The following CACHD1 variants were observed in gnomAD, a reference collection of about 807,000 sequenced individuals.
CACHD1 encodes cache domain containing 1.
In CACHD1, 71 loss-of-function variants were observed where a neutral mutation model predicts 138.7. That is an observed-to-expected ratio of 0.51 (90% CI 0.42 to 0.62). CACHD1 has a LOEUF of 0.62. Ranked by LOEUF, CACHD1 falls within the 20% of genes least tolerant of loss-of-function variation. The probability of loss-of-function intolerance (pLI) is 0.00; values close to 1 mark genes in which losing one functional copy is unlikely to be tolerated. For synonymous variants in CACHD1, 578 were observed against 591.5 expected, an observed-to-expected ratio of 0.98 and a Z score of 0.33; for missense variants, 1,389 against 1,625.3, an observed-to-expected ratio of 0.85 and a Z score of 2.50.
In CACHD1 at chr1:64,679,690, G is replaced by T; in HGVS notation, c.3340G>T (p.Val1114Leu). ...MGCIMVLVLA[V>L]YAYRHQIHRR... Reference sequence around the variant, plus strand: ...ATGCATCATGGTCTTGGTCCTGGCGGTGTATGCCTACCGCCACCAGATTCA... The same window carrying T: ...ATGCATCATGGTCTTGGTCCTGGCGTTGTATGCCTACCGCCACCAGATTCA... Residue 1114 changes from valine (V) to leucine (L), a missense_variant, in exon 24 of 27, where the codon GTG (valine) becomes TTG (leucine). Coordinates refer to ENST00000651257, the MANE Select transcript of CACHD1 (RefSeq NM_020925.4). The T allele has an allele frequency of 6.2e-6, 10 of 1,614,206 alleles. No homozygotes were observed. Among genetic ancestry groups the T allele is most frequent in the Non-Finnish European group, 8.5e-6 (10 of 1,180,030 alleles).
intron 4 of CACHD1, among the ~76,000 whole-genome samples, chr1:64,606,785 A>G (rs1647355169): frequency 1.3e-5 from 2 of 152,126 alleles, no homozygotes; most frequent in South Asian, 4.1e-4. Context: ...TGAAGGTAGA[A>G]TCAGTAGGAT....
intron 2 of CACHD1, 144 bp from the exon 3 acceptor site, chr1:64,582,012 G>T: frequency 1.2e-6 from 1 of 867,970 alleles, no homozygotes; most frequent in East Asian, 2.7e-5. Context: ...CCACACAGGG[G>T]AATATGACTT....
intron 5 of CACHD1, among the ~76,000 whole-genome samples, chr1:64,630,162 G>T (rs1648251206): frequency 6.6e-6 from 1 of 152,134 alleles, no homozygotes; most frequent in Non-Finnish European, 1.5e-5. Context: ...AAAACATCTG[G>T]AGCTCTAGTG....
At chr1:64,631,505 G>A (rs1236789638) in intron 5 of CACHD1, among the ~76,000 whole-genome samples, 1 of 152,134 alleles carries the variant, frequency 6.6e-6, no homozygotes, top group Non-Finnish European at 1.5e-5. Flanking sequence ...TACTTTGCCT[G>A]CGTTTCTTAA....
At chr1:64,672,936 A>C (rs886501753) in intron 17 of CACHD1, among the ~76,000 whole-genome samples, 6 of 152,054 alleles carry the variant, frequency 3.9e-5, no homozygotes, top group African/African-American at 1.4e-4. Flanking sequence ...AGTCAGGTGT[A>C]ACTCTTACCT....
rs886236337 is a variant in CACHD1 at position 64,692,660 on chromosome 1, A to C, written c.*1099A>C. On this transcript the variant is annotated 3_prime_UTR_variant, in exon 27 of 27. Transcript: ENST00000651257. ...GAATTTTTTTTTTAATATCACGGTTAAAAGCTGCTGCCAGTTAGCCAAGAC... is the reference window on the plus strand; with the variant it reads ...GAATTTTTTTTTTAATATCACGGTTCAAAGCTGCTGCCAGTTAGCCAAGAC... 6.6e-6 allele frequency: 1 copy of C among 152,186 alleles called. No individual in the cohort carries two copies. The highest frequency in any genetic ancestry group is 2.4e-5 in the African/African-American group (1 of 41,452). The allele number at this position is 152,186 out of a possible 1,614,324, so 9.4% of individuals were successfully genotyped here.
intron 4 of CACHD1, among the ~76,000 whole-genome samples, chr1:64,603,841 T>G (rs1647263429): frequency 6.6e-6 from 1 of 152,200 alleles, no homozygotes; most frequent in Non-Finnish European, 1.5e-5. Flanking sequence ...TATGTACTCT[T>G]GTTGATTGAT....
chr1:64,542,314 A>T (rs1646683232), intron 1 of CACHD1, among the ~76,000 whole-genome samples: 1 of 151,178 alleles, frequency 6.6e-6, no homozygotes, highest in Non-Finnish European at 1.5e-5. Flanking sequence ...TCACTGATGC[A>T]TTTTTTTTTA....
chr1:64,517,067 C>T (rs533370734), intron 1 of CACHD1, among the ~76,000 whole-genome samples: 7 of 152,210 alleles, frequency 4.6e-5, no homozygotes, highest in Admixed American at 1.3e-4. Flanking sequence ...TGACATGAAG[C>T]GGGGAAAGCA....
At chr1:64,664,771 A>T (rs1649573975) in intron 15 of CACHD1, 92 bp downstream of exon 15, 1 of 1,113,512 alleles carries the variant, frequency 9.0e-7, no homozygotes, top group East Asian at 2.5e-5. Context: ...TCAGGGCATT[A>T]AACTAAAGAA....
At chr1:64,631,270 T>A (rs758623225) in intron 5 of CACHD1, among the ~76,000 whole-genome samples, 4 of 152,232 alleles carry the variant, frequency 2.6e-5, no homozygotes, top group Non-Finnish European at 4.4e-5. Flanking sequence ...ATCTAAAAAG[T>A]TAAATATTTG....
chr1:64,644,276 A>G (rs1648831794), intron 8 of CACHD1, among the ~76,000 whole-genome samples: 1 of 152,246 alleles, frequency 6.6e-6, no homozygotes. Context: ...AGGGAGGAAA[A>G]TAAAATTTAC....
intron 4 of CACHD1, among the ~76,000 whole-genome samples, chr1:64,605,603 TGACTGG>T (rs1239022209): frequency 1.3e-5 from 2 of 152,274 alleles, no homozygotes; most frequent in South Asian, 2.1e-4. Context: ...CCTGGCTGTG[TGACTGG>T]GACAGTAGGA....
At chr1:64,478,676 TA>T (rs1646190883) in intron 1 of CACHD1, among the ~76,000 whole-genome samples, 1 of 152,064 alleles carries the variant, frequency 6.6e-6, no homozygotes. Context: ...AATATAGAAA[TA>T]AACGCTAAAA....
chr1:64,571,876 G>A (rs913932247), intron 2 of CACHD1, among the ~76,000 whole-genome samples: 9 of 152,170 alleles, frequency 5.9e-5, no homozygotes, highest in African/African-American at 2.2e-4. Flanking sequence ...AAGAGAGTCT[G>A]GGCTCTGTGA....
intron 26 of CACHD1, among the ~76,000 whole-genome samples, chr1:64,690,882 ATCT>A (rs1361263825): frequency 3.3e-5 from 5 of 152,288 alleles, no homozygotes; most frequent in Admixed American, 6.5e-5. Flanking sequence ...TCCTGTTCAG[ATCT>A]TCTTCTTGAA....
chr1:64,650,955 C>T (rs1237408830), intron 9 of CACHD1, among the ~76,000 whole-genome samples: 6 of 151,828 alleles, frequency 4.0e-5, no homozygotes, highest in Admixed American at 3.3e-4. Flanking sequence ...CATTCCAAGA[C>T]GTGGCACAAC....
chr1:64,604,462 G>A (rs1250003256), intron 4 of CACHD1, among the ~76,000 whole-genome samples: 1 of 152,152 alleles, frequency 6.6e-6, no homozygotes. Context: ...GCTGGAAATC[G>A]AGTCTCCAGG....
intron 1 of CACHD1, among the ~76,000 whole-genome samples, chr1:64,509,283 G>A (rs538459183): frequency 6.6e-6 from 1 of 152,192 alleles, no homozygotes; most frequent in African/African-American, 2.4e-5. Flanking sequence ...TAGCAAGTGT[G>A]GAGTTTTCAT....
Sources: gnomAD v4.1 joint callset for allele counts (sites outside exome capture counted in the v4.1 genomes callset) on GRCh38, gnomAD v4.1.1 for gene constraint, MANE v1.5 for transcripts, NCBI Gene and HGNC (gene_info 2026-07-23, HGNC 2026-07-21) for gene names.